Variants in SHMT1 observed in about 807,000 individuals in gnomAD.
The protein encoded by SHMT1 is serine hydroxymethyltransferase 1, also known as serine hydroxymethyltransferase, cytosolic.
In SHMT1, 45 loss-of-function variants were observed where a neutral mutation model predicts 49.0. The ratio of observed to expected loss-of-function variants is 0.92; its 90% CI spans 0.72 to 1.18. The LOEUF (loss-of-function observed/expected upper bound fraction) is 1.18, where lower values mean the gene tolerates loss of function less well. Among genes scored for constraint, SHMT1 ranks in the 50% most tolerant of loss-of-function variants. The pLI is 0.00. For missense variants in SHMT1, 541 were observed against 612.4 expected (o/e 0.88, Z 1.23); for synonymous variants, 232 against 246.6 (o/e 0.94, Z 0.55).
chr17:18,330,567 T>C lies in SHMT1; in HGVS notation c.1159A>G (p.Asn387Asp). ...GGATGATTCTCACCTGGACAGGTGT[T>C]CTTGTTGCAGGCAATAGAACAGGCT... ...LEACSIACNK[N>D]TCPGDRSALR... is the part of the protein sequence containing the mutation. The change falls in exon 10 of 12, where the codon AAC becomes GAC. Residue 387 changes from asparagine (N) to aspartate (D), a missense_variant. Physicochemically the swap from Asn to Asp is conservative, Grantham distance 23. Transcript: ENST00000316694. 6.2e-7 allele frequency: 1 copy of C among 1,611,424 alleles called. No individual in the cohort carries two copies. Among genetic ancestry groups the C allele is most frequent in the South Asian group, 1.1e-5 (1 of 91,050 alleles).
intron 5 of SHMT1, 30 bp downstream of exon 5, chr17:18,347,466 A>C: frequency 6.2e-7 from 1 of 1,612,672 alleles, no homozygotes; most frequent in Non-Finnish European, 8.5e-7. Context: ...TCCCAAGGAA[A>C]TAAAAGCTAG....
At chr17:18,352,633 C>A (rs1417587387) in intron 3 of SHMT1, among the ~76,000 whole-genome samples, 2 of 151,788 alleles carry the variant, frequency 1.3e-5, no homozygotes, top group Non-Finnish European at 2.9e-5. Flanking sequence ...TCAGCCTGGG[C>A]AACAACAGCC....
chr17:18,356,801 C>G (rs1986282364), intron 1 of SHMT1, among the ~76,000 whole-genome samples: 1 of 152,092 alleles, frequency 6.6e-6, no homozygotes, highest in African/African-American at 2.4e-5. Context: ...CAGACGTCAG[C>G]TCATCTCCCT....
At chr17:18,345,294 G>C (rs992445265) in intron 5 of SHMT1, among the ~76,000 whole-genome samples, 1 of 152,170 alleles carries the variant, frequency 6.6e-6, no homozygotes, top group Non-Finnish European at 1.5e-5. Flanking sequence ...GTCTTGCTCT[G>C]TCACCTAGGC....
At chr17:18,341,079 T>G (rs1331597945) in intron 5 of SHMT1, 1 of 521,956 alleles carries the variant, frequency 1.9e-6, no homozygotes, top group African/African-American at 1.9e-5. Flanking sequence ...AAAAAGCACC[T>G]GCAGAATGAA....
intron 5 of SHMT1, among the ~76,000 whole-genome samples, chr17:18,347,166 T>C (rs534187742): frequency 2.0e-5 from 3 of 152,206 alleles, no homozygotes; most frequent in Non-Finnish European, 4.4e-5. Flanking sequence ...GTGGTGGCTG[T>C]TGCTGGGGTC....
chr17:18,353,690 T>G lies in SHMT1; in HGVS notation c.224A>C (p.Glu75Ala), dbSNP rs773426660. Reference sequence around the variant, plus strand: ...CACATACCTCTGGCCCGGGTACCCCTCAGAGTATTTGTTATTTAAGCAAGA... The same window carrying G: ...CACATACCTCTGGCCCGGGTACCCCGCAGAGTATTTGTTATTTAAGCAAGA... ...LGSCLNNKYS[E>A]GYPGQRYYGG... Residue 75 changes from glutamate to alanine, a missense_variant, in exon 3 of 12, where the codon GAG becomes GCG. Transcript: ENST00000316694. The G allele has an allele frequency of 8.1e-6, 13 of 1,613,974 alleles. No homozygotes were observed. The South Asian group carries it at 1.3e-4, about 16-fold the overall frequency.
chr17:18,348,387 C>T lies in SHMT1; in HGVS notation c.296G>A (p.Arg99Gln). The T allele has an allele frequency of 3.7e-6, 6 of 1,614,040 alleles. No individual in the cohort carries two copies. Among genetic ancestry groups the T allele is most frequent in the African/African-American group, 1.3e-5 (1 of 75,030 alleles). The change falls in exon 4 of 12, where the codon CGA becomes CAA. Residue 99 changes from arginine (R) to glutamine (Q), a missense_variant. Transcript: ENST00000316694. The stretch of plus-strand genomic sequence containing the variant: ...GTCCAGCTTATAGGCCTGCAGGGCT[C>T]GCTTCTGACAGAGGGTCTCCAGTTC... ...IDELETLCQK[R>Q]ALQAYKLDPQ... is the part of the protein sequence containing the mutation.
In SHMT1 at chr17:18,340,125, T is replaced by C. The variant is rs1598031746; in HGVS notation, c.732A>G (p.Pro244=). The change falls in exon 7 of 12, where the codon CCA becomes CCG. Residue 244 remains proline, a synonymous_variant. Transcript: ENST00000316694. The surrounding 1 kb of genome is among the most constrained non-coding windows in gnomAD (Gnocchi z 4.5). The part of the protein sequence containing the change: ...GLVAAGVVPS[P]FEHCHVVTTT... ...TGGTCACCACATGGCAGTGTTCAAA[T>C]GGGGAGGGCACCACGCCAGCCGCCA... The C allele has an allele frequency of 3.7e-6, 6 of 1,613,996 alleles. No individual in the cohort carries two copies. In the South Asian group the frequency reaches 4.4e-5, roughly 12 times the overall value.
Position 18,340,713 on chromosome 17 carries a change from T to G in SHMT1, c.601+19A>C. The G allele has an allele frequency of 6.2e-7, 1 of 1,603,672 alleles. No homozygotes were observed. Among genetic ancestry groups the G allele is most frequent in the Non-Finnish European group, 8.5e-7 (1 of 1,174,858 alleles). ...CCAGGCTACTGGTGAACAAGGTGACTTTCCGCCCCGCGCATCACCTGCGAT... is the reference window on the plus strand; with the variant it reads ...CCAGGCTACTGGTGAACAAGGTGACGTTCCGCCCCGCGCATCACCTGCGAT... On this transcript the variant is annotated intron_variant, in intron 6 of 11. Transcript: ENST00000316694. This position sits in a 1 kb window ranked among gnomAD's most constrained non-coding sequence, Gnocchi z 4.5.
chr17:18,358,213 T>C (rs956441616), intron 1 of SHMT1, among the ~76,000 whole-genome samples: 10 of 147,544 alleles, frequency 6.8e-5, no homozygotes, highest in African/African-American at 2.5e-4. Context: ...ATATTGTGGC[T>C]GGGCGCAGTG....
chr17:18,334,194 G>A (rs577602329), intron 8 of SHMT1, among the ~76,000 whole-genome samples: 18 of 152,072 alleles, frequency 1.2e-4, no homozygotes, highest in Middle Eastern at 3.4e-3. Context: ...TGTCCATCTC[G>A]GCCTCCCAAA....
At chr17:18,333,105 G>A in intron 9 of SHMT1, 61 bp downstream of exon 9, 1 of 1,603,800 alleles carries the variant, frequency 6.2e-7, no homozygotes, top group Non-Finnish European at 8.5e-7. Context: ...TGCACAAACT[G>A]AGAAGCAAGC....
At chr17:18,361,977 G>T (rs1986820830) in intron 1 of SHMT1, among the ~76,000 whole-genome samples, 1 of 152,278 alleles carries the variant, frequency 6.6e-6, no homozygotes, top group Middle Eastern at 3.4e-3. Flanking sequence ...AGTAAGTGAA[G>T]TCACCTGCAA....
At chr17:18,332,804 T>G in intron 9 of SHMT1, 3 of 366,648 alleles carry the variant, frequency 8.2e-6, no homozygotes, top group South Asian at 4.2e-5. Flanking sequence ...CCTGGCACAG[T>G]GCAAGGCATC....
At chr17:18,337,567 CCTCCCT>C (rs1309490742) in intron 7 of SHMT1, among the ~76,000 whole-genome samples, 8 of 151,024 alleles carry the variant, frequency 5.3e-5, no homozygotes, top group Admixed American at 1.3e-4. Flanking sequence ...TCCCCCTCCC[CCTCCCT>C]CTCCCCACGG....
intron 5 of SHMT1, among the ~76,000 whole-genome samples, chr17:18,343,915 G>A (rs1356014913): frequency 1.6e-5 from 2 of 125,042 alleles, no homozygotes; most frequent in Non-Finnish European, 3.3e-5. Flanking sequence ...GCCAGATACT[G>A]TCTTAAAAAA....
chr17:18,355,057 A>T, intron 2 of SHMT1, among the ~76,000 whole-genome samples: 1 of 19,720 alleles, frequency 5.1e-5, no homozygotes, highest in Admixed American at 6.0e-4. Context: ...TCTCAAAAAA[A>T]AAAAAAAAAA....
intron 5 of SHMT1, among the ~76,000 whole-genome samples, chr17:18,342,417 A>G (rs1405416050): frequency 6.6e-6 from 1 of 151,886 alleles, no homozygotes; most frequent in African/African-American, 2.4e-5. Context: ...CCCAGGCTCA[A>G]GCGATTCTCC....
Sources: gnomAD v4.1 joint callset for allele counts (sites outside exome capture counted in the v4.1 genomes callset) on GRCh38, gnomAD v4.1.1 for gene constraint, Gnocchi (gnomAD v3.1) non-coding constraint, MANE v1.5 for transcripts, NCBI Gene and HGNC (gene_info 2026-07-23, HGNC 2026-07-21) for gene names.